TENM2: variants seen among roughly 807,000 people sequenced by gnomAD.
TENM2 encodes teneurin-2.
Under a neutral mutation model 245.2 loss-of-function variants are expected in TENM2, and 52 were observed. That is an observed-to-expected ratio of 0.21 (90% confidence interval 0.17 to 0.27). The LOEUF (loss-of-function observed/expected upper bound fraction) is 0.27, where lower values mean the gene tolerates loss of function less well. Among genes scored for constraint, TENM2 ranks in the 10% least tolerant of loss-of-function variants. The pLI is 1.00. For synonymous variants in TENM2, 1,363 were observed against 1,438.9 expected (o/e 0.95, Z 1.19); for missense variants, 3,046 against 3,666.8 (o/e 0.83, Z 4.37).
intron 2 of TENM2, among the ~76,000 whole-genome samples, chr5:167,534,489 T>C (rs569991120): frequency 1.3e-5 from 2 of 152,332 alleles, no homozygotes; most frequent in African/African-American, 4.8e-5. Flanking sequence ...ACAAGTAATC[T>C]TTTTTAGCAT....
At chr5:167,803,217 C>G (rs918889264) in intron 2 of TENM2, among the ~76,000 whole-genome samples, 1 of 152,126 alleles carries the variant, frequency 6.6e-6, no homozygotes, top group African/African-American at 2.4e-5. Flanking sequence ...CGGGAGGAAA[C>G]AGAGGGGTAA....
At chr5:168,225,761 C>CAA (rs567948197) in intron 23 of TENM2, among the ~76,000 whole-genome samples, 8 of 57,104 alleles carry the variant, frequency 1.4e-4, no homozygotes, top group Admixed American at 2.0e-4. Context: ...TCCATCATCT[C>CAA]AAAAAAAAAA....
At chr5:167,259,144 A>G in the TENM2 span, among the ~76,000 whole-genome samples, 2 of 152,134 alleles carry the variant, frequency 1.3e-5, no homozygotes. Flanking sequence ...CAGTTTGAGA[A>G]CCACTGTGTT....
chr5:167,420,852 A>G (rs1045260930), intron 2 of TENM2, among the ~76,000 whole-genome samples: 1 of 152,202 alleles, frequency 6.6e-6, no homozygotes, highest in Non-Finnish European at 1.5e-5. Flanking sequence ...GCTTACTAAT[A>G]TACCTAGAAC....
chr5:167,381,512 A>C (rs536020750), intron 2 of TENM2, among the ~76,000 whole-genome samples: 2 of 152,324 alleles, frequency 1.3e-5, no homozygotes, highest in South Asian at 4.1e-4. Context: ...ACATTTTAAA[A>C]GTAAGAGATT....
rs76784436 is a variant in TENM2, at chr5:167,285,075, T to C, written c.226+12T>C. ...GTTTCCTAGACAAGGTTTGTAGGGT[T>C]TCCCCTGCTGATTTGCTCTCAACTG... On this transcript the variant is annotated intron_variant, in intron 1 of 28. Coordinates refer to ENST00000518659, the Ensembl canonical transcript of TENM2. 2,099 of 1,540,074 alleles carry C rather than the reference T, an allele frequency of 1.4e-3. 28 individuals are homozygous for C. In the African/African-American group the frequency reaches 0.026, roughly 19 times the overall value.
intron 2 of TENM2, among the ~76,000 whole-genome samples, chr5:167,847,016 G>A (rs1278783266): frequency 2.0e-5 from 3 of 152,172 alleles, no homozygotes; most frequent in African/African-American, 4.8e-5. Flanking sequence ...GAGTGTAGTG[G>A]TGTGATCAAG....
the TENM2 span, among the ~76,000 whole-genome samples, chr5:167,023,740 TC>T: frequency 6.6e-6 from 1 of 152,172 alleles, no homozygotes; most frequent in South Asian, 2.1e-4. Flanking sequence ...CATCTATATG[TC>T]CAAGATAGAA....
At chr5:168,237,396 G>T (rs1033758812) in intron 25 of TENM2, among the ~76,000 whole-genome samples, 1 of 151,974 alleles carries the variant, frequency 6.6e-6, no homozygotes, top group African/African-American at 2.4e-5. Context: ...TACCCAGTCT[G>T]ATTCAGTCTG....
intron 2 of TENM2, among the ~76,000 whole-genome samples, chr5:167,494,098 C>G (rs1230560251): frequency 6.6e-6 from 1 of 152,096 alleles, no homozygotes; most frequent in Non-Finnish European, 1.5e-5. Flanking sequence ...ATCCGTTACT[C>G]AATTCACTTA....
intron 25 of TENM2, chr5:168,230,967 A>C (rs1234905214): frequency 6.6e-6 from 1 of 152,232 alleles, no homozygotes; most frequent in Non-Finnish European, 1.5e-5. Context: ...TCGCAGTCCA[A>C]ATGCATCGGG....
At chr5:167,984,516 C>T (rs1020403634) in intron 4 of TENM2, among the ~76,000 whole-genome samples, 1 of 152,038 alleles carries the variant, frequency 6.6e-6, no homozygotes, top group Non-Finnish European at 1.5e-5. Context: ...ATTAGCCTGG[C>T]GTGGTGGCAC....
chr5:167,565,241 A>G (rs1773838170), intron 2 of TENM2, among the ~76,000 whole-genome samples: 1 of 152,228 alleles, frequency 6.6e-6, no homozygotes, highest in Non-Finnish European at 1.5e-5. Context: ...ATGTCATAAT[A>G]TAGTAAATGA....
At chr5:168,145,260 C>T (rs2152411385) in intron 12 of TENM2, among the ~76,000 whole-genome samples, 1 of 143,922 alleles carries the variant, frequency 6.9e-6, no homozygotes, top group Admixed American at 7.1e-5. Context: ...TTGCCCATGC[C>T]TATGTCCTGA....
chr5:167,302,070 G>A (rs551948398), intron 1 of TENM2, among the ~76,000 whole-genome samples: 1 of 152,184 alleles, frequency 6.6e-6, no homozygotes, highest in South Asian at 2.1e-4. Flanking sequence ...AGGAAGATTT[G>A]GGACAAGTTG....
intron 2 of TENM2, among the ~76,000 whole-genome samples, chr5:167,382,299 A>G (rs1761135772): frequency 2.6e-5 from 4 of 152,200 alleles, no homozygotes; most frequent in Admixed American, 2.6e-4. Context: ...GTCTGTAACA[A>G]TGAAGTTGGA....
intron 7 of TENM2, among the ~76,000 whole-genome samples, chr5:168,079,216 A>G (rs1791753167): frequency 6.6e-6 from 1 of 152,144 alleles, no homozygotes; most frequent in Admixed American, 6.5e-5. Context: ...TTCACTCATG[A>G]TTTGGCTCTC....
intron 2 of TENM2, among the ~76,000 whole-genome samples, chr5:167,618,589 T>A (rs574408988): frequency 1.3e-5 from 2 of 152,308 alleles, no homozygotes; most frequent in South Asian, 4.1e-4. Flanking sequence ...CAGTGAAAGC[T>A]ACTTATTCTA....
intron 2 of TENM2, among the ~76,000 whole-genome samples, chr5:167,596,802 A>T (rs1776248528): frequency 6.6e-6 from 1 of 151,924 alleles, no homozygotes. Context: ...CCTCAAAAAA[A>T]AAAAAAAAGA....
Sources: gnomAD v4.1 joint callset for allele counts (sites outside exome capture counted in the v4.1 genomes callset) on GRCh38, gnomAD v4.1.1 for gene constraint, MANE v1.5 for transcripts, NCBI Gene and HGNC (gene_info 2026-07-23, HGNC 2026-07-21) for gene names.